The following BAIAP3 variants were observed in gnomAD, a reference collection of about 807,000 sequenced individuals.
The protein encoded by BAIAP3 is BAI1-associated protein 3.
Under a neutral mutation model 149.7 loss-of-function variants are expected in BAIAP3, and 180 were observed. The observed-to-expected ratio is 1.20, with a 90% CI of 1.07 to 1.36. The LOEUF (loss-of-function observed/expected upper bound fraction) is 1.36, where lower values mean the gene tolerates loss of function less well. Among genes scored for constraint, BAIAP3 ranks in the 40% most tolerant of loss-of-function variants. The probability of loss-of-function intolerance (pLI) is 0.00; values close to 1 mark genes in which losing one functional copy is unlikely to be tolerated. For missense variants in BAIAP3, 1,767 were observed against 1,563.4 expected (o/e 1.13, Z -2.20); for synonymous variants, 845 against 670.7 (o/e 1.26, Z -4.02).
chr16:1,334,468 G>A (rs553964446), intron 1 of BAIAP3: 1 of 598,580 alleles, frequency 1.7e-6, no homozygotes, highest in African/African-American at 1.9e-5. Context: ...GGGCAGGGAG[G>A]GGGTCGGTGA....
chr16:1,348,600 CGTGT>C lies in BAIAP3; in HGVS notation c.*123_*126del. 1 of 1,007,500 alleles carries C rather than the reference CGTGT, an allele frequency of 9.9e-7. No individual in the cohort carries two copies. The highest frequency in any genetic ancestry group is 1.5e-6 in the Non-Finnish European group (1 of 673,726). 62.4% of individuals were successfully genotyped at this position (1,007,500 alleles called of 1,614,324 possible). ...CCACGGCGCCCCTCCTGTGCTGTGACGTGTGTGTCGTGGCTGGCCCCGCGGCGCC... is the reference window on the plus strand; with the variant it reads ...CCACGGCGCCCCTCCTGTGCTGTGACGTGTCGTGGCTGGCCCCGCGGCGCC... On this transcript the variant is annotated 3_prime_UTR_variant, in exon 34 of 34. Transcript: ENST00000426824.
Position 1,347,721 on chromosome 16 carries a change from G to C in BAIAP3, c.2925G>C (p.Arg975=). The change falls in exon 31 of 34, where the codon CGG becomes CGC. Residue 975 remains arginine (R), a synonymous_variant. Coordinates refer to ENST00000426824, the MANE Select transcript of BAIAP3 (RefSeq NM_001199097.2). ...KLKQRTLEQN[R]FGRLSVRCHY... Reference sequence around the variant, plus strand: ...CGCAGAGGACCCTGGAGCAGAACCGGTTTGGACGCCTGAGCGTCCGTTGCC... The same window carrying C: ...CGCAGAGGACCCTGGAGCAGAACCGCTTTGGACGCCTGAGCGTCCGTTGCC... 1 of 1,610,496 alleles carries C rather than the reference G, an allele frequency of 6.2e-7. No individual in the cohort carries two copies. The highest frequency in any genetic ancestry group is 1.1e-5 in the South Asian group (1 of 91,036).
Position 1,342,743 on chromosome 16 carries a change from G to C in BAIAP3, c.1090G>C (p.Gly364Arg). Reference protein sequence around the residue: ...TQRDTAMSQRGRSGFLSHLLL... With the variant: ...TQRDTAMSQRRRSGFLSHLLL... ...GAGGGATACGGCCATGAGCCAGCGC[G>C]GGCGATCCGGCTTCCTGTCCCACCT... The change falls in exon 13 of 34, where the codon GGG (glycine) becomes CGG (arginine). Residue 364 changes from glycine to arginine, a missense_variant. By Grantham distance (125) the Gly-to-Arg change is moderately radical. Coordinates refer to ENST00000426824, the MANE Select transcript of BAIAP3 (RefSeq NM_001199097.2). 4 of 1,612,482 alleles carry C rather than the reference G, an allele frequency of 2.5e-6. No individual in the cohort carries two copies. Among genetic ancestry groups the C allele is most frequent in the South Asian group, 1.1e-5 (1 of 91,064 alleles).
intron 24 of BAIAP3, 38 bp downstream of exon 24, chr16:1,346,116 G>C (rs762445113): frequency 1.6e-5 from 26 of 1,604,542 alleles, no homozygotes; most frequent in Non-Finnish European, 2.2e-5. Flanking sequence ...GGCAGGAGGT[G>C]GGGGGCCATC....
At position 1,342,174 on chromosome 16, in the gene BAIAP3, T is replaced by G; in HGVS notation, c.855-7T>G. 1.9e-6 allele frequency: 3 copies of G among 1,592,990 alleles called. No homozygotes were observed. The highest frequency in any genetic ancestry group is 2.6e-6 in the Non-Finnish European group (3 of 1,166,290). ...TCAGCGTGATGCTCACCACCTGTGG[T>G]GGCCAGGTACTTCAAACAGATCGTC... On this transcript the variant is annotated splice_polypyrimidine_tract_variant and splice_region_variant and intron_variant, in intron 10 of 33. Transcript: ENST00000426824.
chr16:1,336,684 C>A (rs759868730), intron 1 of BAIAP3, among the ~76,000 whole-genome samples: 1 of 152,212 alleles, frequency 6.6e-6, no homozygotes, highest in Non-Finnish European at 1.5e-5. Flanking sequence ...CAGGCCCCCA[C>A]GCTGCCCACT....
intron 1 of BAIAP3, among the ~76,000 whole-genome samples, chr16:1,336,866 G>C (rs781454832): frequency 2.0e-5 from 3 of 152,196 alleles, no homozygotes; most frequent in Non-Finnish European, 4.4e-5. Context: ...GGCACCCTCC[G>C]CAGGTGGATG....
At chr16:1,343,643 T>A in intron 15 of BAIAP3, 130 bp downstream of exon 15, 1 of 1,390,162 alleles carries the variant, frequency 7.2e-7, no homozygotes, top group Non-Finnish European at 9.7e-7. Context: ...ACAAACTGTA[T>A]GACGTGGGCG....
intron 28 of BAIAP3, 150 bp downstream of exon 28, chr16:1,347,105 A>G (rs1214100920): frequency 3.2e-5 from 28 of 880,704 alleles, no homozygotes; most frequent in Middle Eastern, 6.4e-4. Flanking sequence ...GTTAATGCCG[A>G]GGTGTGGCCT....
In BAIAP3 at chr16:1,344,825, G is replaced by A. The variant is rs766574340; in HGVS notation, c.1785G>A (p.Leu595=). 3 of 1,613,794 alleles carry A rather than the reference G, an allele frequency of 1.9e-6. No homozygotes were observed. Among genetic ancestry groups the A allele is most frequent in the Non-Finnish European group, 2.5e-6 (3 of 1,180,020 alleles). The change falls in exon 20 of 34, where the codon CTG becomes CTA. Residue 595 remains leucine, a synonymous_variant. Transcript: ENST00000426824. Reference sequence around the variant, plus strand: ...TCCTCAATGTGGACGTCTTCACCCTGACCTTCCGGCAGCTGGAGCGTCTGG... The same window carrying A: ...TCCTCAATGTGGACGTCTTCACCCTAACCTTCCGGCAGCTGGAGCGTCTGG... ...HSILNVDVFT[L]TFRQLERLVA...
At chr16:1,344,170 C>T in intron 16 of BAIAP3, 24 bp downstream of exon 16, 6 of 1,612,130 alleles carry the variant, frequency 3.7e-6, no homozygotes, top group South Asian at 1.1e-5. Context: ...CGCGTGTCAG[C>T]GTGGGTGGGG....
Position 1,347,377 on chromosome 16 carries a change from G to A in BAIAP3, c.2823+8G>A, listed in dbSNP as rs2034450321. 2 of 1,613,178 alleles carry A rather than the reference G, an allele frequency of 1.2e-6. No homozygotes were observed. The highest frequency in any genetic ancestry group is 1.3e-5 in the African/African-American group (1 of 75,034). ...AGGGATGGAAGCTACAAGGTGAGGT[G>A]GGACCCTCTGTGGGGCGGGGGTGTG... On this transcript the variant is annotated splice_region_variant and intron_variant, in intron 29 of 33. Coordinates refer to ENST00000426824, the MANE Select transcript of BAIAP3 (RefSeq NM_001199097.2).
At chr16:1,333,941 C>G (rs1596553554) in intron 1 of BAIAP3, among the ~76,000 whole-genome samples, 192 bp downstream of exon 1, 1 of 152,010 alleles carries the variant, frequency 6.6e-6, no homozygotes, top group African/African-American at 2.4e-5. Flanking sequence ...TGAGGCCGCG[C>G]ATGCTTGGAG....
Position 1,344,715 on chromosome 16 carries a change from A to G in BAIAP3, c.1757+17A>G, listed in dbSNP as rs770398402. 1 of 1,612,168 alleles carries G rather than the reference A, an allele frequency of 6.2e-7. No homozygotes were observed. The highest frequency in any genetic ancestry group is 8.5e-7 in the Non-Finnish European group (1 of 1,179,790). The stretch of plus-strand genomic sequence containing the variant: ...CTTCCACAGGTGGGCCTGGCCCCTC[A>G]GTGCTGTCCTGGGGCTGGGGTCGGA... On this transcript the variant is annotated intron_variant, in intron 19 of 33. Coordinates refer to ENST00000426824, the MANE Select transcript of BAIAP3 (RefSeq NM_001199097.2).
At chr16:1,345,187 C>A in intron 21 of BAIAP3, 62 bp from the exon 22 acceptor site, 1 of 1,609,000 alleles carries the variant, frequency 6.2e-7, no homozygotes, top group Non-Finnish European at 8.5e-7. Flanking sequence ...AGCTGTGAGC[C>A]TGGAACGTGC....
chr16:1,349,423 T>A lies in BAIAP3; in HGVS notation c.*941T>A, dbSNP rs780838933. On this transcript the variant is annotated 3_prime_UTR_variant, in exon 34 of 34. Coordinates refer to ENST00000426824, the MANE Select transcript of BAIAP3 (RefSeq NM_001199097.2). The stretch of plus-strand genomic sequence containing the variant: ...CTCGTCACCCAGCCTCAAAAATATA[T>A]GTGTCTGCAACCCTCAGTCTCTCTG... 1 of 1,613,618 alleles carries A rather than the reference T, an allele frequency of 6.2e-7. No individual in the cohort carries two copies. Among genetic ancestry groups the A allele is most frequent in the East Asian group, 2.2e-5 (1 of 44,880 alleles).
Position 1,338,908 on chromosome 16 carries a change from CG to C in BAIAP3, c.142del (p.Asp48MetfsTer13). The C allele has an allele frequency of 6.2e-7, 1 of 1,612,994 alleles. No homozygotes were observed. The highest frequency in any genetic ancestry group is 1.1e-5 in the South Asian group (1 of 91,072). On this transcript the variant is annotated frameshift_variant, in exon 3 of 34. Coordinates refer to ENST00000426824, the MANE Select transcript of BAIAP3 (RefSeq NM_001199097.2). LOFTEE classifies it high-confidence loss of function. ...GACCCGGCTCTTTCTCCAGGAAACC[CG>C]GGGATGGCGTGGAGTTCTTTGCCCA... ...QEPATGAWKPGDGVEFFAHMR... is the reference protein window; with the variant it reads ...QEPATGAWKPXDGVEFFAHMR...
At position 1,341,678 on chromosome 16, in the gene BAIAP3, T is replaced by C; in HGVS notation, c.732-144T>C. 7 of 1,183,718 alleles carry C rather than the reference T, an allele frequency of 5.9e-6. No homozygotes were observed. In the South Asian group the frequency reaches 1.0e-4, roughly 17 times the overall value. The allele number at this position is 1,183,718 out of a possible 1,614,324, so 73.3% of individuals were successfully genotyped here. On this transcript the variant is annotated intron_variant, in intron 8 of 33. Transcript: ENST00000426824. ...CCGGGGCCACACGGCTGGCAACACC[T>C]GGCGGGATCAGGATTTGGACCTGAA... is the stretch of plus-strand genomic sequence containing the variant.
Position 1,345,798 on chromosome 16 carries a change from G to A in BAIAP3, c.2116G>A (p.Gly706Ser), listed in dbSNP as rs1437230076. ...GCACAGCAGCTCCGCAGCCACTGCT[G>A]GTCTCTGCCTCAGCCACATCCAGGA... is the stretch of plus-strand genomic sequence containing the variant. Reference protein sequence around the residue: ...SRHSSSAATAGLCLSHIQELW... With the variant: ...SRHSSSAATASLCLSHIQELW... Residue 706 changes from glycine to serine, a missense_variant, in exon 23 of 34, where the codon GGT (glycine) becomes AGT (serine). Transcript: ENST00000426824. The A allele has an allele frequency of 6.3e-7, 1 of 1,575,038 alleles. No individual in the cohort carries two copies. Among genetic ancestry groups the A allele is most frequent in the Non-Finnish European group, 8.6e-7 (1 of 1,165,020 alleles).
Sources: allele counts gnomAD v4.1 joint callset (sites outside exome capture counted in the v4.1 genomes callset), GRCh38; gene constraint gnomAD v4.1.1; transcripts MANE v1.5; gene names NCBI Gene and HGNC (gene_info 2026-07-23, HGNC 2026-07-21).